Variants in RAB28 observed in about 807,000 individuals in gnomAD.
RAB28 encodes ras-related protein Rab-28.
In RAB28, 24 loss-of-function variants were observed where a neutral mutation model predicts 31.7. The observed-to-expected ratio is 0.76, with a 90% CI of 0.55 to 1.06. The LOEUF is 1.06. RAB28 is among the 50% of genes least tolerant of loss of function. The pLI, the probability that RAB28 is intolerant of heterozygous loss-of-function variation, is 0.00. For missense variants in RAB28, 254 were observed against 258.5 expected (o/e 0.98, Z 0.12); for synonymous variants, 100 against 90.4 (o/e 1.11, Z -0.60).
chr4:13,413,643 T>A (rs1379545664), intron 4 of RAB28, among the ~76,000 whole-genome samples: 1 of 152,128 alleles, frequency 6.6e-6, no homozygotes, highest in African/African-American at 2.4e-5. Context: ...TTTTAAAAAT[T>A]ATGCATGATG....
intron 4 of RAB28, among the ~76,000 whole-genome samples, chr4:13,401,475 C>A (rs571153418): frequency 1.3e-5 from 2 of 151,686 alleles, no homozygotes; most frequent in Non-Finnish European, 2.9e-5. Context: ...TGTAAAACTA[C>A]GTAACAAAAC....
At chr4:13,418,813 G>A (rs975818447) in intron 4 of RAB28, among the ~76,000 whole-genome samples, 3 of 152,202 alleles carry the variant, frequency 2.0e-5, no homozygotes. Context: ...AAATTGTAAA[G>A]ACCGTCAATG....
chr4:13,398,576 A>G (rs920709032), intron 4 of RAB28, among the ~76,000 whole-genome samples: 3 of 152,174 alleles, frequency 2.0e-5, no homozygotes, highest in African/African-American at 7.2e-5. Flanking sequence ...CAGGAGATAG[A>G]GACCATCCTG....
At chr4:13,413,960 T>C (rs1272303949) in intron 4 of RAB28, among the ~76,000 whole-genome samples, 1 of 152,140 alleles carries the variant, frequency 6.6e-6, no homozygotes, top group African/African-American at 2.4e-5. Context: ...AGCTATTTTC[T>C]CCTCAAGTGA....
intron 4 of RAB28, among the ~76,000 whole-genome samples, chr4:13,396,438 C>T (rs886824141): frequency 6.6e-6 from 1 of 151,978 alleles, no homozygotes; most frequent in Non-Finnish European, 1.5e-5. Flanking sequence ...TTTACCCTGC[C>T]ATGTACACTC....
In RAB28 at chr4:13,384,220, G is replaced by A. The variant is rs147751376; in HGVS notation, c.392-2626C>T. Among the ~76,000 whole-genome samples, 845 of 152,256 alleles carry A rather than the reference G, an allele frequency of 5.5e-3. 3 individuals are homozygous for A. Among genetic ancestry groups the A allele is most frequent in the Middle Eastern group, 0.027 (8 of 294 alleles). On this transcript the variant is annotated intron_variant, in intron 4 of 6. Transcript: ENST00000330852. ...AGAGGGCAGGCACAGACCTGCACCC[G>A]CCAGCACCCGACCCCCATGCTAATA...
intron 2 of RAB28, among the ~76,000 whole-genome samples, chr4:13,474,945 A>G (rs1716284669): frequency 6.6e-6 from 1 of 151,628 alleles, no homozygotes. Flanking sequence ...CGGATATGGC[A>G]AACATAGTCA....
intron 4 of RAB28, among the ~76,000 whole-genome samples, chr4:13,431,224 A>T (rs1013162048): frequency 6.6e-6 from 1 of 152,208 alleles, no homozygotes; most frequent in Non-Finnish European, 1.5e-5. Context: ...TTTTAGTAGT[A>T]GTAGTCAGAA....
chr4:13,370,419 T>C (rs1165282695), intron 6 of RAB28: 2 of 845,874 alleles, frequency 2.4e-6, no homozygotes, highest in Non-Finnish European at 2.8e-6. Flanking sequence ...AGTCACTCTA[T>C]ACTGTGAAAG....
chr4:13,473,018 T>G (rs547312006), intron 3 of RAB28, among the ~76,000 whole-genome samples: 1 of 151,988 alleles, frequency 6.6e-6, no homozygotes, highest in South Asian at 2.1e-4. Context: ...AAGAGCCAAA[T>G]CTCTGCATCA....
At chr4:13,385,323 C>T (rs1729320645) in intron 4 of RAB28, among the ~76,000 whole-genome samples, 1 of 152,064 alleles carries the variant, frequency 6.6e-6, no homozygotes, top group Non-Finnish European at 1.5e-5. Flanking sequence ...GCTAGAGAGG[C>T]CAACATTCAA....
Position 13,368,466 on chromosome 4 carries a change from G to A in RAB28, c.*92C>T, listed in dbSNP as rs974880720. 1.4e-6 allele frequency: 2 copies of A among 1,463,626 alleles called. No homozygotes were observed. The highest frequency in any genetic ancestry group is 2.9e-5 in the African/African-American group (2 of 68,158). 90.7% of individuals were successfully genotyped at this position (1,463,626 alleles called of 1,614,324 possible). On this transcript the variant is annotated 3_prime_UTR_variant, in exon 7 of 7. Coordinates refer to ENST00000330852, the MANE Select transcript of RAB28 (RefSeq NM_001017979.3). ...AGTAAAGTGTTAACTGAACTACAGAGATGGTCACTGATAAAACAAGTTCCT... is the reference window on the plus strand; with the variant it reads ...AGTAAAGTGTTAACTGAACTACAGAAATGGTCACTGATAAAACAAGTTCCT...
intron 4 of RAB28, among the ~76,000 whole-genome samples, chr4:13,406,505 G>A (rs193192885): frequency 6.6e-6 from 1 of 152,248 alleles, no homozygotes; most frequent in African/African-American, 2.4e-5. Flanking sequence ...ATAGTCCTTT[G>A]GGTATATACC....
chr4:13,418,613 A>C (rs1434011024), intron 4 of RAB28, among the ~76,000 whole-genome samples: 2 of 152,228 alleles, frequency 1.3e-5, no homozygotes, highest in African/African-American at 2.4e-5. Context: ...TTCTTAAAGA[A>C]AAGAATTTTC....
chr4:13,465,453 G>A (rs907850083), intron 3 of RAB28, among the ~76,000 whole-genome samples: 5 of 151,114 alleles, frequency 3.3e-5, no homozygotes, highest in African/African-American at 1.2e-4. Context: ...ACAGAGAATA[G>A]CTCATCAGAA....
intron 4 of RAB28, among the ~76,000 whole-genome samples, chr4:13,428,595 A>G (rs937720268): frequency 1.3e-5 from 2 of 152,228 alleles, no homozygotes; most frequent in African/African-American, 4.8e-5. Context: ...GAGGATTTGA[A>G]GATAGATCGG....
chr4:13,419,121 A>C (rs1279499272), intron 4 of RAB28, among the ~76,000 whole-genome samples: 1 of 152,148 alleles, frequency 6.6e-6, no homozygotes, highest in African/African-American at 2.4e-5. Flanking sequence ...TAAAACAGAC[A>C]TTAAAAAAAC....
At position 13,419,555 on chromosome 4, in the gene RAB28, A is replaced by G. The variant is rs564032150; in HGVS notation, c.392-37961T>C. On this transcript the variant is annotated intron_variant, in intron 4 of 6. Transcript: ENST00000330852. ...CAGAAATCACAACAAACTGTCTCTA[A>G]GGAGCACAGTGCAATCAAATTAGAA... Among the ~76,000 whole-genome samples the G allele has an allele frequency of 1.1e-4, 17 of 152,242 alleles. No individual in the cohort carries two copies. The East Asian group carries it at 3.3e-3, about 29-fold the overall frequency.
intron 4 of RAB28, among the ~76,000 whole-genome samples, chr4:13,402,968 A>G (rs1312561075): frequency 6.6e-6 from 1 of 151,910 alleles, no homozygotes; most frequent in Non-Finnish European, 1.5e-5. Context: ...TAATTTCTGT[A>G]TATTTTTGTA....
Sources: gnomAD v4.1 joint callset for allele counts (sites outside exome capture counted in the v4.1 genomes callset) on GRCh38, gnomAD v4.1.1 for gene constraint, MANE v1.5 for transcripts, NCBI Gene and HGNC (gene_info 2026-07-23, HGNC 2026-07-21) for gene names.